NRG3: variants seen among roughly 807,000 people sequenced by gnomAD.
NRG3 encodes the protein neuregulin 3.
Under a neutral mutation model 66.9 loss-of-function variants are expected in NRG3, and 31 were observed. That is an observed-to-expected ratio of 0.46 (90% CI 0.35 to 0.63). The LOEUF (loss-of-function observed/expected upper bound fraction) is 0.63, where lower values mean the gene tolerates loss of function less well. Among genes scored for constraint, NRG3 ranks in the 20% least tolerant of loss-of-function variants. The pLI, the probability that NRG3 is intolerant of heterozygous loss-of-function variation, is 0.00. For missense variants in NRG3, 910 were observed against 878.9 expected, an observed-to-expected ratio of 1.04 and a Z score of -0.45; for synonymous variants, 393 against 359.4, an observed-to-expected ratio of 1.09 and a Z score of -1.06.
rs1169677488 is a variant in NRG3, at chr10:81,875,329, C to A, written c.-12C>A. On this transcript the variant is annotated 5_prime_UTR_variant, in exon 1 of 9. Transcript: ENST00000372141. This position sits in a 1 kb window ranked among gnomAD's most constrained non-coding sequence, Gnocchi z 5.3. ...GCCCTCGGGGGGGCGAAGGTGAAGA[C>A]CGGCTCCTAGGATGAGTGAAGGGGC... 4.1e-6 allele frequency: 4 copies of A among 986,254 alleles called. No individual in the cohort carries two copies. Among genetic ancestry groups the A allele is most frequent in the Non-Finnish European group, 4.8e-6 (4 of 831,894 alleles). 61.1% of individuals were successfully genotyped at this position (986,254 alleles called of 1,614,324 possible). A position where few individuals can be genotyped will look rare whatever the true frequency, so the allele number is the denominator to read the frequency against.
chr10:82,460,248 A>C (rs538006826), intron 2 of NRG3, among the ~76,000 whole-genome samples: 1 of 152,270 alleles, frequency 6.6e-6, no homozygotes, highest in South Asian at 2.1e-4. Flanking sequence ...AGAGCGCTTA[A>C]GGGTTGTGCG....
chr10:82,058,872 T>A (rs1201566261), intron 1 of NRG3, among the ~76,000 whole-genome samples: 1 of 152,056 alleles, frequency 6.6e-6, no homozygotes, highest in Non-Finnish European at 1.5e-5. Flanking sequence ...CATGGGAACG[T>A]ATATAGGAGG....
intron 1 of NRG3, among the ~76,000 whole-genome samples, chr10:81,999,731 C>T (rs2061088534): frequency 6.6e-6 from 1 of 152,096 alleles, no homozygotes; most frequent in African/African-American, 2.4e-5. Context: ...TATGGTTATG[C>T]TTTAAAGTAC....
At chr10:82,686,258 G>T (rs1306594389) in intron 2 of NRG3, among the ~76,000 whole-genome samples, 2 of 151,470 alleles carry the variant, frequency 1.3e-5, no homozygotes, top group Non-Finnish European at 2.9e-5. Flanking sequence ...CATGATCTTG[G>T]CTCACTGCAA....
chr10:82,892,527 G>A (rs139212586), intron 4 of NRG3, among the ~76,000 whole-genome samples: 199 of 152,096 alleles, frequency 1.3e-3, no homozygotes, highest in Admixed American at 2.6e-3. Context: ...TTAGCCATGA[G>A]TGGTGGCACA....
At chr10:81,982,082 T>C (rs1303923353) in intron 1 of NRG3, among the ~76,000 whole-genome samples, 1 of 152,216 alleles carries the variant, frequency 6.6e-6, no homozygotes, top group African/African-American at 2.4e-5. Context: ...CTTAACAATT[T>C]CTTCTTCAAT....
chr10:82,435,769 C>G (rs944288728), intron 2 of NRG3, among the ~76,000 whole-genome samples: 1 of 126,476 alleles, frequency 7.9e-6, no homozygotes, highest in African/African-American at 3.0e-5. Context: ...GAGTGAGTTT[C>G]TTTTCTTTTC....
intron 2 of NRG3, among the ~76,000 whole-genome samples, chr10:82,388,161 A>G (rs2086127908): frequency 6.9e-6 from 1 of 145,478 alleles, no homozygotes; most frequent in Non-Finnish European, 1.5e-5. Flanking sequence ...ATTGGCAACA[A>G]TTGCTCATCA....
intron 1 of NRG3, among the ~76,000 whole-genome samples, chr10:82,291,474 A>G (rs949917182): frequency 2.6e-5 from 4 of 152,224 alleles, no homozygotes; most frequent in Non-Finnish European, 5.9e-5. Context: ...AGATAAGCTT[A>G]TTGTAAAAGG....
intron 2 of NRG3, among the ~76,000 whole-genome samples, chr10:82,655,683 C>T (rs2051786113): frequency 2.0e-5 from 3 of 152,128 alleles, no homozygotes; most frequent in African/African-American, 7.2e-5. Context: ...AGCAGTAATG[C>T]TGATTACAGT....
At chr10:82,307,641 G>A (rs2080814749) in intron 1 of NRG3, among the ~76,000 whole-genome samples, 1 of 152,050 alleles carries the variant, frequency 6.6e-6, no homozygotes, top group Non-Finnish European at 1.5e-5. Context: ...TCAATTTTGA[G>A]TCATCTTCCT....
At chr10:82,762,903 C>T (rs547801919) in intron 3 of NRG3, among the ~76,000 whole-genome samples, 1 of 152,316 alleles carries the variant, frequency 6.6e-6, no homozygotes, top group African/African-American at 2.4e-5. Context: ...GTCCTGAGGG[C>T]TCTGCCCTCA....
At chr10:82,245,392 TG>T (rs949317299) in intron 1 of NRG3, among the ~76,000 whole-genome samples, 1 of 152,216 alleles carries the variant, frequency 6.6e-6, no homozygotes, top group African/African-American at 2.4e-5. Context: ...GCTCACCTCC[TG>T]CTGTGCAGCC....
intron 1 of NRG3, among the ~76,000 whole-genome samples, chr10:82,293,654 C>G (rs1051722318): frequency 1.3e-5 from 2 of 152,116 alleles, no homozygotes; most frequent in African/African-American, 4.8e-5. Context: ...TCAGGCATGA[C>G]CAACTATTTT....
intron 1 of NRG3, among the ~76,000 whole-genome samples, chr10:82,196,573 C>G (rs2074460604): frequency 6.6e-6 from 1 of 151,510 alleles, no homozygotes; most frequent in Non-Finnish European, 1.5e-5. Flanking sequence ...GTCAACTATG[C>G]TAAAAGGTAA....
intron 3 of NRG3, among the ~76,000 whole-genome samples, chr10:82,815,000 C>T (rs1045930484): frequency 6.6e-6 from 1 of 152,140 alleles, no homozygotes; most frequent in African/African-American, 2.4e-5. Flanking sequence ...AAGTCCAAAC[C>T]CACCATGCTG....
At chr10:82,088,771 TAC>T (rs1429306573) in intron 1 of NRG3, among the ~76,000 whole-genome samples, 1 of 152,134 alleles carries the variant, frequency 6.6e-6, no homozygotes, top group East Asian at 1.9e-4. Context: ...TTTTCCCCAA[TAC>T]AGTTATTCAA....
At chr10:82,551,888 A>G (rs1224573682) in intron 2 of NRG3, among the ~76,000 whole-genome samples, 1 of 151,624 alleles carries the variant, frequency 6.6e-6, no homozygotes, top group Non-Finnish European at 1.5e-5. Flanking sequence ...TTTTTTTTCT[A>G]TTTGGTTATG....
At chr10:82,075,476 C>A (rs11192402) in intron 1 of NRG3, among the ~76,000 whole-genome samples, 107,142 of 151,938 alleles carry the variant, frequency 0.71, 38,005 homozygotes, top group Middle Eastern at 0.78. Flanking sequence ...AATTTAAGGA[C>A]AAACAAGTTC....
Sources: allele counts gnomAD v4.1 joint callset (sites outside exome capture counted in the v4.1 genomes callset), GRCh38; gene constraint gnomAD v4.1.1; non-coding constraint Gnocchi (gnomAD v3.1); transcripts MANE v1.5; gene names NCBI Gene and HGNC (gene_info 2026-07-23, HGNC 2026-07-21).